Variants in HPS4 observed in about 807,000 individuals in gnomAD.
HPS4 encodes the protein HPS4 biogenesis of lysosomal organelles complex 3 subunit 2.
In HPS4, 44 loss-of-function variants were observed where a neutral mutation model predicts 70.3. The ratio of observed to expected loss-of-function variants is 0.63; its 90% confidence interval spans 0.49 to 0.80. HPS4 has a LOEUF of 0.80. Among genes scored for constraint, HPS4 ranks in the 30% least tolerant of loss-of-function variants. The probability of loss-of-function intolerance (pLI) is 0.00; values close to 1 mark genes in which losing one functional copy is unlikely to be tolerated. For synonymous variants in HPS4, 377 were observed against 355.9 expected, an observed-to-expected ratio of 1.06 and a Z score of -0.67; for missense variants, 873 against 884.4, an observed-to-expected ratio of 0.99 and a Z score of 0.16.
chr22:26,474,439 T>A (rs2090257170), intron 4 of HPS4, among the ~76,000 whole-genome samples: 1 of 150,622 alleles, frequency 6.6e-6, no homozygotes, highest in African/African-American at 2.4e-5. Context: ...TAACCCAAAG[T>A]GGATTACAGA....
At chr22:26,464,861 T>C (rs764492207) in intron 10 of HPS4, 35 bp from the exon 11 acceptor site, 34 of 1,557,568 alleles carry the variant, frequency 2.2e-5, no homozygotes, top group Middle Eastern at 3.4e-4. Flanking sequence ...AAGGGGCACG[T>C]TGACAGACTG....
Position 26,458,472 on chromosome 22 carries a change from A to AG in HPS4, c.1818_1819insC (p.Tyr607LeufsTer32), listed in dbSNP as rs769405747. ...ATCAGCAAGCTCTGAATGCGGTCGT[A>AG]ATGTGTGAAGTTGTAGGTGCTGCTC... is the stretch of plus-strand genomic sequence containing the variant. On this transcript the variant is annotated frameshift_variant, in exon 12 of 14. Transcript: ENST00000398145. LOFTEE classifies it high-confidence loss of function. 6.2e-7 allele frequency: 1 copy of AG among 1,614,072 alleles called. No individual in the cohort carries two copies. Among genetic ancestry groups the AG allele is most frequent in the Admixed American group, 1.7e-5 (1 of 60,010 alleles).
At chr22:26,477,212 A>C (rs986695558) in intron 3 of HPS4, 76 bp from the exon 4 acceptor site, 2 of 1,495,392 alleles carry the variant, frequency 1.3e-6, no homozygotes, top group African/African-American at 2.8e-5. Context: ...AGCATACTAA[A>C]GCCTGCAAGC....
intron 11 of HPS4, among the ~76,000 whole-genome samples, chr22:26,461,474 A>G (rs2087259194): frequency 6.6e-6 from 1 of 152,032 alleles, no homozygotes; most frequent in African/African-American, 2.4e-5. Context: ...TGCTCCACCC[A>G]GGGCTCCTTT....
At chr22:26,470,991 C>A in intron 6 of HPS4, 178 bp from the exon 7 acceptor site, 1 of 1,338,132 alleles carries the variant, frequency 7.5e-7, no homozygotes, top group Non-Finnish European at 1.0e-6. Context: ...CCTCTCTATA[C>A]TCAGAACTGC....
rs761197874 is a variant in HPS4 at position 26,464,187 on chromosome 22, G to T, written c.1443C>A (p.Asn481Lys). The change falls in exon 11 of 14, where the codon AAC (asparagine) becomes AAA (lysine). Residue 481 changes from asparagine to lysine, a missense_variant. By Grantham distance (94) the Asn-to-Lys change is moderately conservative. Coordinates refer to ENST00000398145, the MANE Select transcript of HPS4 (RefSeq NM_022081.6). Reference protein sequence around the residue: ...LPRLDPGQRGNKLPTGEQGLD... With the variant: ...LPRLDPGQRGKKLPTGEQGLD... ...GGCCTTGTTCCCCCGTGGGAAGCTT[G>T]TTTCCTCTCTGTCCTGGATCTAAGC... 1 of 1,614,236 alleles carries T rather than the reference G, an allele frequency of 6.2e-7. No homozygotes were observed. The highest frequency in any genetic ancestry group is 1.1e-5 in the South Asian group (1 of 91,086).
intron 13 of HPS4, 175 bp from the exon 14 acceptor site, chr22:26,453,579 T>A (rs982014853): frequency 3.3e-5 from 23 of 699,430 alleles, no homozygotes; most frequent in Non-Finnish European, 5.1e-5. Context: ...TCAGTGCCAA[T>A]ACCATCTTTC....
At chr22:26,454,413 G>T (rs900294858) in intron 13 of HPS4, among the ~76,000 whole-genome samples, 6 of 152,204 alleles carry the variant, frequency 3.9e-5, no homozygotes, top group Non-Finnish European at 8.8e-5. Context: ...TCTGTACAGT[G>T]TTTGTTGCAA....
chr22:26,456,756 C>G (rs944753440), intron 13 of HPS4, among the ~76,000 whole-genome samples: 1 of 152,198 alleles, frequency 6.6e-6, no homozygotes, highest in East Asian at 1.9e-4. Context: ...TGCTAACTTG[C>G]TTTATTTTCT....
intron 2 of HPS4, among the ~76,000 whole-genome samples, chr22:26,481,519 A>G (rs2091285915): frequency 6.6e-6 from 1 of 152,230 alleles, no homozygotes; most frequent in African/African-American, 2.4e-5. Context: ...TCATTCAAAC[A>G]TTGGGAGAGG....
intron 3 of HPS4, among the ~76,000 whole-genome samples, chr22:26,445,521 T>C (rs1180572282): frequency 6.6e-6 from 1 of 152,118 alleles, no homozygotes; most frequent in Non-Finnish European, 1.5e-5. Flanking sequence ...GAGCAATAGA[T>C]GTCTAACTGG....
intron 3 of HPS4, chr22:26,444,800 T>C (rs2084899510): frequency 6.6e-6 from 1 of 152,234 alleles, no homozygotes; most frequent in African/African-American, 2.4e-5. Flanking sequence ...TTGTCAGTGA[T>C]GAGAATGCAG....
chr22:26,467,865 A>C (rs1418732610), intron 8 of HPS4: 2 of 152,038 alleles, frequency 1.3e-5, no homozygotes, highest in Non-Finnish European at 2.9e-5. Flanking sequence ...TATAAAATGG[A>C]AGTATTTTAG....
chr22:26,458,686 G>A (rs1471316016), intron 11 of HPS4, 109 bp from the exon 12 acceptor site: 3 of 1,314,178 alleles, frequency 2.3e-6, no homozygotes, highest in Admixed American at 2.0e-5. Context: ...GCCAGGCACG[G>A]TGGCTCACAC....
chr22:26,471,730 C>T (rs1003580557), intron 6 of HPS4, among the ~76,000 whole-genome samples: 1 of 152,124 alleles, frequency 6.6e-6, no homozygotes, highest in African/African-American at 2.4e-5. Flanking sequence ...TATTTACTAT[C>T]GCAGTGAGAC....
chr22:26,455,230 G>C (rs2085889601), intron 13 of HPS4, among the ~76,000 whole-genome samples: 1 of 152,076 alleles, frequency 6.6e-6, no homozygotes, highest in African/African-American at 2.4e-5. Flanking sequence ...ACCCATTACT[G>C]GGTATATACC....
chr22:26,464,217 C>T lies in HPS4; in HGVS notation c.1413G>A (p.Leu471=), dbSNP rs1389825057. ...LPRRTRRPLL[L]PRLDPGQRGN... is the part of the protein sequence containing the mutation. ...CTCTCTGTCCTGGATCTAAGCGAGGCAATAACAAGGGCCTGCGGGTCCTTC... is the reference window on the plus strand; with the variant it reads ...CTCTCTGTCCTGGATCTAAGCGAGGTAATAACAAGGGCCTGCGGGTCCTTC... Residue 471 remains leucine (L), a synonymous_variant, in exon 11 of 14, where the codon TTG becomes TTA. Coordinates refer to ENST00000398145, the MANE Select transcript of HPS4 (RefSeq NM_022081.6). 6.8e-6 allele frequency: 11 copies of T among 1,614,224 alleles called. No homozygotes were observed. In the East Asian group the frequency reaches 2.5e-4, roughly 36 times the overall value.
chr22:26,469,335 CTTG>C (rs1325205883), intron 7 of HPS4, among the ~76,000 whole-genome samples: 3 of 150,666 alleles, frequency 2.0e-5, no homozygotes, highest in African/African-American at 7.3e-5. Context: ...GTAGCAAGTG[CTTG>C]TTGTTCCAGC....
At position 26,452,234 on chromosome 22, in the gene HPS4, T is replaced by C. The variant is rs2085338879; in HGVS notation, c.*999A>G. The C allele has an allele frequency of 2.5e-6, 1 of 404,962 alleles. No homozygotes were observed. Among genetic ancestry groups the C allele is most frequent in the African/African-American group, 2.1e-5 (1 of 48,528 alleles). The allele number at this position is 404,962 out of a possible 1,614,324, so 25.1% of individuals were successfully genotyped here. A position where few individuals can be genotyped will look rare whatever the true frequency, so the allele number is the denominator to read the frequency against. On this transcript the variant is annotated 3_prime_UTR_variant, in exon 14 of 14. Coordinates refer to ENST00000398145, the MANE Select transcript of HPS4 (RefSeq NM_022081.6). ...TACAACTCTCAAATGGAATCTCAAGTACTTCCAGTAAACATTCAGTTAAGA... is the reference window on the plus strand; with the variant it reads ...TACAACTCTCAAATGGAATCTCAAGCACTTCCAGTAAACATTCAGTTAAGA...
Sources: allele counts gnomAD v4.1 joint callset (sites outside exome capture counted in the v4.1 genomes callset), GRCh38; gene constraint gnomAD v4.1.1; transcripts MANE v1.5; gene names NCBI Gene and HGNC (gene_info 2026-07-23, HGNC 2026-07-21).